COL19A1: variants seen among roughly 807,000 people sequenced by gnomAD.
The protein encoded by COL19A1 is collagen type XIX alpha 1 chain, also known as collagen alpha-1(XIX) chain.
In COL19A1, 159 loss-of-function variants were observed where a neutral mutation model predicts 190.2. The ratio of observed to expected loss-of-function variants is 0.84; its 90% CI spans 0.73 to 0.95. The LOEUF is 0.95. Ranked by LOEUF, COL19A1 falls within the 40% of genes least tolerant of loss-of-function variation. The pLI is 0.00. For missense variants in COL19A1, 1,418 were observed against 1,431.9 expected (o/e 0.99, Z 0.16); for synonymous variants, 509 against 458.9 (o/e 1.11, Z -1.39).
intron 4 of COL19A1, among the ~76,000 whole-genome samples, chr6:69,912,875 C>G (rs929755079): frequency 6.6e-6 from 1 of 152,122 alleles, no homozygotes; most frequent in Non-Finnish European, 1.5e-5. Context: ...ATCGCTTGAG[C>G]CCAGGAGTTC....
chr6:69,964,449 G>A, intron 11 of COL19A1, among the ~76,000 whole-genome samples: 1 of 152,086 alleles, frequency 6.6e-6, no homozygotes, highest in East Asian at 1.9e-4. Flanking sequence ...TTTACCTGTA[G>A]GAATAAGTAG....
At chr6:70,082,710 C>T (rs921862538) in intron 15 of COL19A1, among the ~76,000 whole-genome samples, 1 of 152,180 alleles carries the variant, frequency 6.6e-6, no homozygotes, top group Admixed American at 6.5e-5. Context: ...CACGCCCAGC[C>T]AATGAAGCAC....
chr6:70,169,803 T>C (rs1408493209), intron 40 of COL19A1, among the ~76,000 whole-genome samples: 3 of 152,138 alleles, frequency 2.0e-5, no homozygotes, highest in African/African-American at 7.2e-5. Flanking sequence ...CTCCTGGTCT[T>C]TCCCTCTCAT....
chr6:70,179,212 T>C (rs1766013385), intron 42 of COL19A1, among the ~76,000 whole-genome samples: 1 of 152,194 alleles, frequency 6.6e-6, no homozygotes, highest in Non-Finnish European at 1.5e-5. Context: ...TGGAGGGATC[T>C]CCTTCCGGAA....
At chr6:69,961,499 G>A (rs1210590203) in intron 10 of COL19A1, among the ~76,000 whole-genome samples, 5 of 152,274 alleles carry the variant, frequency 3.3e-5, no homozygotes, top group Admixed American at 3.3e-4. Context: ...CTGACATTGT[G>A]GCTGATGTAC....
In COL19A1 at chr6:70,058,200, T is replaced by A. The variant is rs143014992; in HGVS notation, c.1171-10223T>A. 3.7e-3 allele frequency among the ~76,000 whole-genome samples: 563 copies of A among 152,094 alleles called. 11 individuals carry two copies. The highest frequency in any genetic ancestry group is 0.013 in the African/African-American group (533 of 41,558). ...TGAGTTCAAAAAACATGGGAAAAGATTATGATTAAAATATATTCCTGCAAC... is the reference window on the plus strand; with the variant it reads ...TGAGTTCAAAAAACATGGGAAAAGAATATGATTAAAATATATTCCTGCAAC... On this transcript the variant is annotated intron_variant, in intron 14 of 50. Coordinates refer to ENST00000620364, the MANE Select transcript of COL19A1 (RefSeq NM_001858.6).
chr6:70,078,075 G>T (rs1480332758), intron 15 of COL19A1, among the ~76,000 whole-genome samples: 1 of 152,052 alleles, frequency 6.6e-6, no homozygotes, highest in Non-Finnish European at 1.5e-5. Context: ...GTATTTGAGG[G>T]TCTTATAAAT....
At chr6:70,169,577 A>C (rs1287018333) in intron 40 of COL19A1, among the ~76,000 whole-genome samples, 1 of 152,206 alleles carries the variant, frequency 6.6e-6, no homozygotes, top group Non-Finnish European at 1.5e-5. Context: ...AAAGAGATGC[A>C]TTAAAGAGCT....
chr6:70,049,166 A>G (rs1780062788), intron 14 of COL19A1, among the ~76,000 whole-genome samples: 1 of 151,934 alleles, frequency 6.6e-6, no homozygotes, highest in South Asian at 2.1e-4. Context: ...AATCAACACT[A>G]TTAGTTTTCT....
intron 9 of COL19A1, among the ~76,000 whole-genome samples, chr6:69,951,276 G>A (rs927973217): frequency 1.3e-5 from 2 of 151,846 alleles, no homozygotes; most frequent in African/African-American, 2.4e-5. Flanking sequence ...TTATAAAACA[G>A]GAATTATATT....
At chr6:69,960,652 C>T (rs1246188115) in intron 10 of COL19A1, among the ~76,000 whole-genome samples, 14 of 121,534 alleles carry the variant, frequency 1.2e-4, no homozygotes, top group South Asian at 2.6e-4. Flanking sequence ...TTTTTTGAGA[C>T]GGAGTCTCGC....
chr6:69,972,575 C>A (rs1424951549), intron 11 of COL19A1, among the ~76,000 whole-genome samples: 2 of 152,086 alleles, frequency 1.3e-5, no homozygotes, highest in Non-Finnish European at 2.9e-5. Context: ...TCAGTATCAA[C>A]CCTATTTTTT....
intron 16 of COL19A1, among the ~76,000 whole-genome samples, chr6:70,111,244 A>C (rs1582937177): frequency 6.6e-6 from 1 of 152,178 alleles, no homozygotes; most frequent in East Asian, 1.9e-4. Context: ...CAATTTTTGC[A>C]GTCAGTTTTC....
chr6:69,958,330 AT>A (rs2150042414), intron 9 of COL19A1, among the ~76,000 whole-genome samples: 1 of 152,320 alleles, frequency 6.6e-6, no homozygotes, highest in South Asian at 2.1e-4. Flanking sequence ...TAGTAATATG[AT>A]ATAAAACATT....
At chr6:69,877,431 C>T (rs1185049794) in intron 1 of COL19A1, among the ~76,000 whole-genome samples, 1 of 152,086 alleles carries the variant, frequency 6.6e-6, no homozygotes, top group East Asian at 1.9e-4. Context: ...AATATGATGT[C>T]AATGGCAGGC....
At chr6:70,020,577 TATC>T (rs1294460252) in intron 11 of COL19A1, among the ~76,000 whole-genome samples, 3 of 152,198 alleles carry the variant, frequency 2.0e-5, no homozygotes. Context: ...TAGGATTTTA[TATC>T]ATAAATCTGT....
At chr6:69,963,634 AC>A (rs1774928265) in intron 11 of COL19A1, among the ~76,000 whole-genome samples, 1 of 152,172 alleles carries the variant, frequency 6.6e-6, no homozygotes, top group Non-Finnish European at 1.5e-5. Flanking sequence ...AATGGAGGAA[AC>A]CTATAAGGCT....
rs193230300 is a variant in COL19A1 at position 70,112,471 on chromosome 6, C to A, written c.1279-9409C>A. 1.6e-3 allele frequency among the ~76,000 whole-genome samples: 243 copies of A among 152,086 alleles called. 3 individuals carry two copies. The South Asian group carries it at 0.019, about 12-fold the overall frequency. ...ATGAAACATTTTATGGATGGATAAG[C>A]AGAATAGCAGCATTAGGGGAGGAAT... On this transcript the variant is annotated intron_variant, in intron 16 of 50. Coordinates refer to ENST00000620364, the MANE Select transcript of COL19A1 (RefSeq NM_001858.6).
intron 16 of COL19A1, among the ~76,000 whole-genome samples, chr6:70,108,072 T>A (rs1482775426): frequency 6.6e-6 from 1 of 152,122 alleles, no homozygotes; most frequent in Non-Finnish European, 1.5e-5. Flanking sequence ...TTCAGTTCCT[T>A]TAGAAAAGAG....
Sources: gnomAD v4.1 joint callset for allele counts (sites outside exome capture counted in the v4.1 genomes callset) on GRCh38, gnomAD v4.1.1 for gene constraint, MANE v1.5 for transcripts, NCBI Gene and HGNC (gene_info 2026-07-23, HGNC 2026-07-21) for gene names.